The following MEF2A variants were observed in gnomAD, a reference collection of about 807,000 sequenced individuals.
MEF2A encodes myocyte enhancer factor 2A.
In MEF2A, 28 loss-of-function variants were observed where a neutral mutation model predicts 55.8. That is an observed-to-expected ratio of 0.50 (90% CI 0.37 to 0.69). The LOEUF is 0.69. Ranked by LOEUF, MEF2A falls within the 30% of genes least tolerant of loss-of-function variation. The pLI, the probability that MEF2A is intolerant of heterozygous loss-of-function variation, is 0.00. For synonymous variants in MEF2A, 239 were observed against 227.1 expected (o/e 1.05, Z -0.47); for missense variants, 528 against 626.2 (o/e 0.84, Z 1.67).
intron 2 of MEF2A, among the ~76,000 whole-genome samples, chr15:99,622,842 A>G (rs1395215961): frequency 2.0e-5 from 3 of 151,828 alleles, no homozygotes; most frequent in Admixed American, 6.6e-5. Flanking sequence ...AGCTGGGACT[A>G]CAGGCGCCGC....
In MEF2A at chr15:99,585,727, C is replaced by T. The variant is rs537210062; in HGVS notation, c.-224-12703C>T. 1.3e-3 allele frequency among the ~76,000 whole-genome samples: 197 copies of T among 152,196 alleles called. 2 individuals carry two copies. Among genetic ancestry groups the T allele is most frequent in the Admixed American group, 3.0e-3 (46 of 15,288 alleles). ...TACTTAATTCTCACAACTGAACTTA[C>T]GAGGTATAGATATTACACCATTTAT... On this transcript the variant is annotated intron_variant, in intron 1 of 11. Coordinates refer to ENST00000557942, the MANE Select transcript of MEF2A (RefSeq NM_001319206.4).
Position 99,648,243 on chromosome 15 carries a change from T to G in MEF2A, c.258+2479T>G, listed in dbSNP as rs1205060575. On this transcript the variant is annotated intron_variant, in intron 4 of 11. Transcript: ENST00000557942. ...TTGTATTGATGGGAAGCAGGCTTTT[T>G]GATGCCCATTTACTCATTTGACAAA... is the stretch of plus-strand genomic sequence containing the variant. Among the ~76,000 whole-genome samples, 6 of 152,320 alleles carry G rather than the reference T, an allele frequency of 3.9e-5. No homozygotes were observed. The East Asian group carries it at 1.2e-3, about 29-fold the overall frequency.
chr15:99,629,481 A>ATT (rs950618800), intron 2 of MEF2A, among the ~76,000 whole-genome samples: 2 of 150,648 alleles, frequency 1.3e-5, no homozygotes, highest in African/African-American at 2.4e-5. Flanking sequence ...TAAACATTTG[A>ATT]TTTTTTTTTA....
intron 1 of MEF2A, among the ~76,000 whole-genome samples, chr15:99,585,342 TGA>T (rs1596294715): frequency 3.9e-5 from 6 of 152,210 alleles, no homozygotes; most frequent in East Asian, 1.9e-4. Context: ...TCTCGTTTCG[TGA>T]GTGTGTATAA....
At chr15:99,678,882 T>C (rs2052652458) in intron 7 of MEF2A, 1 of 162,184 alleles carries the variant, frequency 6.2e-6, no homozygotes, top group Non-Finnish European at 1.3e-5. Flanking sequence ...AGAGAGGTTT[T>C]TTTTTAAGAA....
At chr15:99,683,388 C>G (rs1467795205) in intron 7 of MEF2A, among the ~76,000 whole-genome samples, 6 of 152,162 alleles carry the variant, frequency 3.9e-5, no homozygotes, top group Non-Finnish European at 2.9e-5. Context: ...AAAAACCACA[C>G]TAATCATCTG....
At chr15:99,629,639 C>T (rs915243095) in intron 2 of MEF2A, among the ~76,000 whole-genome samples, 1 of 151,350 alleles carries the variant, frequency 6.6e-6, no homozygotes, top group Non-Finnish European at 1.5e-5. Context: ...GGGCATCTAA[C>T]AAAGGCAAAA....
chr15:99,628,323 T>C (rs1453799910), intron 2 of MEF2A, among the ~76,000 whole-genome samples: 2 of 152,212 alleles, frequency 1.3e-5, no homozygotes, highest in Non-Finnish European at 2.9e-5. Flanking sequence ...ACTTTTTTTC[T>C]GTATCCCCAT....
chr15:99,696,402 A>G (rs111292481), intron 8 of MEF2A, among the ~76,000 whole-genome samples: 6 of 152,338 alleles, frequency 3.9e-5, no homozygotes, highest in African/African-American at 1.4e-4. Context: ...CAGGCATATT[A>G]TATTCTCTGG....
intron 2 of MEF2A, among the ~76,000 whole-genome samples, chr15:99,613,447 G>T (rs1001784541): frequency 1.1e-4 from 16 of 152,116 alleles, no homozygotes; most frequent in African/African-American, 3.9e-4. Flanking sequence ...CACTTTAACA[G>T]TCCCCGCACC....
chr15:99,615,701 A>G (rs949325682), intron 2 of MEF2A, among the ~76,000 whole-genome samples: 5 of 152,206 alleles, frequency 3.3e-5, no homozygotes, highest in African/African-American at 1.2e-4. Flanking sequence ...CCACTACCGT[A>G]TGCCACTTCT....
intron 1 of MEF2A, among the ~76,000 whole-genome samples, chr15:99,571,599 T>G (rs1962330896): frequency 6.6e-6 from 1 of 152,224 alleles, no homozygotes; most frequent in African/African-American, 2.4e-5. Context: ...GTTTTCATAC[T>G]GATGACTACT....
rs1175618146 is a variant in MEF2A, at chr15:99,629,800, C to T, written c.-142-3178C>T. Among the ~76,000 whole-genome samples the T allele has an allele frequency of 3.3e-5, 5 of 152,006 alleles. 1 individual carries two copies. The highest frequency in any genetic ancestry group is 4.1e-4 in the South Asian group (2 of 4,822). ...CTAAAAATACAAAAAATTAGCCGGG[C>T]GTGGTGGCACGTGCCTGTAGCCCCA... On this transcript the variant is annotated intron_variant, in intron 2 of 11. Transcript: ENST00000557942.
upstream of MEF2A, chr15:99,565,620 C>G (rs537127968): frequency 5.9e-5 from 9 of 152,336 alleles, no homozygotes; most frequent in African/African-American, 1.9e-4. Flanking sequence ...AAAGCGAGCT[C>G]CAACCCGCGG....
intron 1 of MEF2A, among the ~76,000 whole-genome samples, chr15:99,587,846 G>GT (rs1037090935): frequency 4.6e-5 from 7 of 150,646 alleles, no homozygotes; most frequent in African/African-American, 1.7e-4. Flanking sequence ...GTTTTTTTTT[G>GT]TTTTTTACTG....
chr15:99,620,344 G>A (rs1028919146), intron 2 of MEF2A, among the ~76,000 whole-genome samples: 4 of 151,994 alleles, frequency 2.6e-5, no homozygotes, highest in Admixed American at 6.6e-5. Flanking sequence ...CACCTCTTAC[G>A]CTCCTCCCTC....
In MEF2A at chr15:99,685,204, AT is replaced by A. The variant is rs371993146; in HGVS notation, c.671-5030del. The stretch of plus-strand genomic sequence containing the variant: ...CTTTTGGTTCCATAGGAATTTTAGG[AT>A]TTTTTTCCCCCCTAGTTCTGTGAAG... On this transcript the variant is annotated intron_variant, in intron 7 of 11. Coordinates refer to ENST00000557942, the MANE Select transcript of MEF2A (RefSeq NM_001319206.4). 3.9e-3 allele frequency among the ~76,000 whole-genome samples: 584 copies of A among 151,608 alleles called. 1 individual carries two copies. Among genetic ancestry groups the A allele is most frequent in the African/African-American group, 8.2e-3 (337 of 41,318 alleles).
intron 2 of MEF2A, among the ~76,000 whole-genome samples, chr15:99,625,847 T>C (rs1208803340): frequency 6.6e-6 from 1 of 152,176 alleles, no homozygotes; most frequent in African/African-American, 2.4e-5. Context: ...ATAATCCTTT[T>C]AATATTCGGT....
At chr15:99,679,779 T>C (rs769649711) in intron 7 of MEF2A, among the ~76,000 whole-genome samples, 1 of 152,166 alleles carries the variant, frequency 6.6e-6, no homozygotes, top group Non-Finnish European at 1.5e-5. Flanking sequence ...AAGAAAACAG[T>C]TTTGAAAATA....
Sources: allele counts gnomAD v4.1 joint callset (sites outside exome capture counted in the v4.1 genomes callset), GRCh38; gene constraint gnomAD v4.1.1; transcripts MANE v1.5; gene names NCBI Gene and HGNC (gene_info 2026-07-23, HGNC 2026-07-21).